GOSR2: variants seen among roughly 807,000 people sequenced by gnomAD.
The protein encoded by GOSR2 is 27 kDa Golgi SNARE protein.
In GOSR2, 20 loss-of-function variants were observed where a neutral mutation model predicts 27.9. The ratio of observed to expected loss-of-function variants is 0.72; its 90% confidence interval spans 0.50 to 1.04. GOSR2 has a LOEUF of 1.04. Ranked by LOEUF, GOSR2 falls within the 50% of genes least tolerant of loss-of-function variation. The probability of loss-of-function intolerance (pLI) is 0.00; values close to 1 mark genes in which losing one functional copy is unlikely to be tolerated. For missense variants in GOSR2, 261 were observed against 270.5 expected (o/e 0.97, Z 0.25); for synonymous variants, 91 against 98.8 (o/e 0.92, Z 0.47).
chr17:46,970,376 A>G (rs1597789616), downstream of GOSR2, among the ~76,000 whole-genome samples: 1 of 152,094 alleles, frequency 6.6e-6, no homozygotes, highest in Admixed American at 6.6e-5. Context: ...CCCTGTCTCT[A>G]CTAAAAATGC....
chr17:46,944,515 A>G (rs1188423556), downstream of GOSR2, among the ~76,000 whole-genome samples: 1 of 152,118 alleles, frequency 6.6e-6, no homozygotes, highest in Admixed American at 6.5e-5. Context: ...GGAGTCCCCC[A>G]GAGAGTTTGG....
chr17:46,935,805 A>G (rs2088224533), intron 5 of GOSR2: 2 of 986,426 alleles, frequency 2.0e-6, no homozygotes, highest in Admixed American at 6.1e-5. Flanking sequence ...CAGAAACATT[A>G]CACAGACTCT....
In GOSR2 at chr17:46,958,480, G is replaced by A. The variant is rs568867523; in HGVS notation, c.584-8054G>A. 3.3e-5 allele frequency among the ~76,000 whole-genome samples: 5 copies of A among 152,230 alleles called. No homozygotes were observed. The South Asian group carries it at 8.3e-4, about 25-fold the overall frequency. ...GGAAGTGCTGACGGCAGGAAGCAAG[G>A]TGTCTCACAGCCTGACTAAGCCAAG... On this transcript the variant is annotated intron_variant, in intron 6 of 6. Coordinates refer to the GOSR2 transcript ENST00000573224.
intron 6 of GOSR2, among the ~76,000 whole-genome samples, chr17:46,952,305 A>C (rs1302924817): frequency 6.6e-6 from 1 of 152,360 alleles, no homozygotes; most frequent in East Asian, 1.9e-4. Context: ...GGACTGGGTC[A>C]GCAGCCCAAA....
At chr17:46,962,285 C>T (rs896857943) in intron 6 of GOSR2, among the ~76,000 whole-genome samples, 2 of 151,404 alleles carry the variant, frequency 1.3e-5, no homozygotes, top group Non-Finnish European at 2.9e-5. Context: ...GCCGAGATTG[C>T]GCCACTGCAC....
Position 46,940,224 on chromosome 17 carries a change from G to A in GOSR2, c.*1464G>A, listed in dbSNP as rs541327375. Reference sequence around the variant, plus strand: ...TTTTCTTAATTGTCATAGATTAACTGAGTTTCCTGGATGCTAATTTCACAC... The same window carrying A: ...TTTTCTTAATTGTCATAGATTAACTAAGTTTCCTGGATGCTAATTTCACAC... On this transcript the variant is annotated 3_prime_UTR_variant, in exon 6 of 6. Coordinates refer to ENST00000640051, the MANE Select transcript of GOSR2 (RefSeq NM_004287.5). 3.9e-5 allele frequency: 55 copies of A among 1,418,908 alleles called. No homozygotes were observed. The Middle Eastern group carries it at 1.0e-3, about 27-fold the overall frequency. The allele number at this position is 1,418,908 out of a possible 1,614,324, so 87.9% of individuals were successfully genotyped here. A position where few individuals can be genotyped will look rare whatever the true frequency, so the allele number is the denominator to read the frequency against.
At chr17:46,944,545 C>T (rs564411202), downstream of GOSR2, among the ~76,000 whole-genome samples, 412 of 152,240 alleles carry the variant, frequency 2.7e-3, 1 homozygote, top group Non-Finnish European at 4.0e-3. Context: ...TTCTGGGCCT[C>T]GCTCCCCAGA....
Position 46,935,148 on chromosome 17 carries a change from G to A in GOSR2, c.456G>A (p.Arg152=), listed in dbSNP as rs1262961585. 1.2e-6 allele frequency: 2 copies of A among 1,614,128 alleles called. No individual in the cohort carries two copies. The highest frequency in any genetic ancestry group is 1.7e-6 in the Non-Finnish European group (2 of 1,179,952). The part of the protein sequence containing the change: ...LDGHNILDGL[R]TQRLTLKGTQ... The stretch of plus-strand genomic sequence containing the variant: ...GGCACAATATTTTAGATGGACTGAG[G>A]ACCCAGAGACTGACCTTGAAGGTGG... The change falls in exon 5 of 6, where the codon AGG becomes AGA. Residue 152 remains arginine (R), a synonymous_variant. Transcript: ENST00000640051.
At chr17:46,943,751 C>T (rs1303129791), downstream of GOSR2, among the ~76,000 whole-genome samples, 1 of 152,244 alleles carries the variant, frequency 6.6e-6, no homozygotes, top group Admixed American at 6.5e-5. Flanking sequence ...GAGCCATGTG[C>T]TCACAGGGCC....
At chr17:46,966,921 T>C (rs550251566) in exon 7 of GOSR2, 2 of 391,094 alleles carry the variant, frequency 5.1e-6, no homozygotes, top group East Asian at 7.3e-5. Context: ...CATGAAATTT[T>C]ATTTGAATCT....
chr17:46,973,877 G>C (rs1204006547), intron 6 of GOSR2, among the ~76,000 whole-genome samples: 1 of 152,110 alleles, frequency 6.6e-6, no homozygotes, highest in Non-Finnish European at 1.5e-5. Flanking sequence ...GGCCATTTCT[G>C]CTGTACCCGC....
Position 46,938,917 on chromosome 17 carries a change from T to C in GOSR2, c.*157T>C, listed in dbSNP as rs2088859568. ...GATTGTGGTCTAATTTCCAACCTGCTCTGTTTTCTGTGACATCTTGGAGGG... is the reference window on the plus strand; with the variant it reads ...GATTGTGGTCTAATTTCCAACCTGCCCTGTTTTCTGTGACATCTTGGAGGG... On this transcript the variant is annotated 3_prime_UTR_variant, in exon 6 of 6. Transcript: ENST00000640051. 1 of 1,517,646 alleles carries C rather than the reference T, an allele frequency of 6.6e-7. No individual in the cohort carries two copies. Among genetic ancestry groups the C allele is most frequent in the South Asian group, 1.2e-5 (1 of 83,658 alleles). 94.0% of individuals were successfully genotyped at this position (1,517,646 alleles called of 1,614,324 possible).
downstream of GOSR2, among the ~76,000 whole-genome samples, chr17:46,967,479 T>C (rs544825040): frequency 2.0e-5 from 3 of 152,328 alleles, no homozygotes; most frequent in African/African-American, 7.2e-5. Flanking sequence ...GGTGAGGTTG[T>C]ACTTGAGCTT....
chr17:46,930,608 C>T (rs1431210957), intron 2 of GOSR2: 2 of 155,890 alleles, frequency 1.3e-5, no homozygotes, highest in Non-Finnish European at 2.8e-5. Context: ...TAAGGGAACT[C>T]TTCTCTGTAT....
chr17:46,943,632 G>C (rs1025191682), downstream of GOSR2, among the ~76,000 whole-genome samples: 1 of 152,152 alleles, frequency 6.6e-6, no homozygotes, highest in Non-Finnish European at 1.5e-5. Flanking sequence ...AGGCGCCATC[G>C]GGTAAGCGGC....
At chr17:46,971,187 A>G (rs186738674), downstream of GOSR2, among the ~76,000 whole-genome samples, 73 of 152,198 alleles carry the variant, frequency 4.8e-4, no homozygotes, top group African/African-American at 1.7e-3. Context: ...ACATATAAAA[A>G]TGAGCCAGGC....
At position 46,938,918 on chromosome 17, in the gene GOSR2, C is replaced by T; in HGVS notation, c.*158C>T. On this transcript the variant is annotated 3_prime_UTR_variant, in exon 6 of 6. Coordinates refer to ENST00000640051, the MANE Select transcript of GOSR2 (RefSeq NM_004287.5). ...ATTGTGGTCTAATTTCCAACCTGCT[C>T]TGTTTTCTGTGACATCTTGGAGGGG... 4 of 1,517,574 alleles carry T rather than the reference C, an allele frequency of 2.6e-6. No individual in the cohort carries two copies. Among genetic ancestry groups the T allele is most frequent in the Non-Finnish European group, 3.5e-6 (4 of 1,133,530 alleles). 94.0% of individuals were successfully genotyped at this position (1,517,574 alleles called of 1,614,324 possible).
chr17:46,968,443 C>G (rs2091357757), downstream of GOSR2, among the ~76,000 whole-genome samples: 1 of 152,250 alleles, frequency 6.6e-6, no homozygotes, highest in Admixed American at 6.5e-5. Context: ...TGGGGTGTCC[C>G]TCCATGCGGG....
chr17:46,939,649 C>G lies in GOSR2; in HGVS notation c.*889C>G, dbSNP rs953763216. ...TAATTCTTTGGTTCCCTTCTCTTCC[C>G]TGAAATATATTAGCACCTGCCAGCC... On this transcript the variant is annotated 3_prime_UTR_variant, in exon 6 of 6. Transcript: ENST00000640051. 5.1e-6 allele frequency: 5 copies of G among 985,488 alleles called. No homozygotes were observed. The African/African-American group carries it at 8.7e-5, about 17-fold the overall frequency. 61.0% of individuals were successfully genotyped at this position (985,488 alleles called of 1,614,324 possible). A position where few individuals can be genotyped will look rare whatever the true frequency, so the allele number is the denominator to read the frequency against.
Sources: gnomAD v4.1 joint callset for allele counts (sites outside exome capture counted in the v4.1 genomes callset) on GRCh38, gnomAD v4.1.1 for gene constraint, MANE v1.5 for transcripts, NCBI Gene and HGNC (gene_info 2026-07-23, HGNC 2026-07-21) for gene names.